FEZ1: variants seen among roughly 807,000 people sequenced by gnomAD.
The protein encoded by FEZ1 is fasciculation and elongation protein zeta 1.
Under a neutral mutation model 49.3 loss-of-function variants are expected in FEZ1, and 20 were observed. The ratio of observed to expected loss-of-function variants is 0.41; its 90% CI spans 0.29 to 0.59. The LOEUF is 0.59. FEZ1 is among the 20% of genes least tolerant of loss of function. FEZ1 has a pLI of 0.36. For missense variants in FEZ1, 413 were observed against 476.0 expected (o/e 0.87, Z 1.23); for synonymous variants, 170 against 180.9 (o/e 0.94, Z 0.48).
intron 3 of FEZ1, among the ~76,000 whole-genome samples, chr11:125,463,914 G>A (rs937423250): frequency 2.0e-5 from 3 of 152,220 alleles, no homozygotes; most frequent in Non-Finnish European, 4.4e-5. Flanking sequence ...CTCCAGGTAA[G>A]TGACACTGCA....
chr11:125,444,035 T>C lies in FEZ1; in HGVS notation c.*2060A>G, dbSNP rs911623142. ...CCCGTCGCCGGCAGAGTGCTAAACA[T>C]GCTAATGACCTCACACCACTAATGA... On this transcript the variant is annotated 3_prime_UTR_variant, in exon 10 of 10. Coordinates refer to ENST00000278919, the MANE Select transcript of FEZ1 (RefSeq NM_005103.5). Among the ~76,000 whole-genome samples, 1 of 152,166 alleles carries C rather than the reference T, an allele frequency of 6.6e-6. No homozygotes were observed. The highest frequency in any genetic ancestry group is 1.5e-5 in the Non-Finnish European group (1 of 68,034).
At chr11:125,446,251 G>T in intron 9 of FEZ1, 140 bp from the exon 10 acceptor site, 1 of 749,418 alleles carries the variant, frequency 1.3e-6, no homozygotes. Flanking sequence ...TAGAATAAGG[G>T]AGAGACAATG....
chr11:125,492,016 A>T (rs1283987088), intron 1 of FEZ1, among the ~76,000 whole-genome samples: 1 of 152,242 alleles, frequency 6.6e-6, no homozygotes, highest in Non-Finnish European at 1.5e-5. Context: ...ATAAATCAAT[A>T]ATTTAATTAA....
At chr11:125,447,511 G>T (rs551760239) in intron 9 of FEZ1, among the ~76,000 whole-genome samples, 3 of 152,150 alleles carry the variant, frequency 2.0e-5, no homozygotes, top group Non-Finnish European at 2.9e-5. Flanking sequence ...AGGGAATACT[G>T]ATTGGATAGT....
Position 125,453,831 on chromosome 11 carries a change from C to T in FEZ1, c.1020+299G>A, listed in dbSNP as rs935553157. 7.1e-5 allele frequency: 16 copies of T among 225,540 alleles called. No individual in the cohort carries two copies. In the East Asian group the frequency reaches 1.4e-3, roughly 20 times the overall value. The allele number at this position is 225,540 out of a possible 1,614,324, so 14.0% of individuals were successfully genotyped here. A position where few individuals can be genotyped will look rare whatever the true frequency, so the allele number is the denominator to read the frequency against. On this transcript the variant is annotated intron_variant, in intron 7 of 9. Coordinates refer to ENST00000278919, the MANE Select transcript of FEZ1 (RefSeq NM_005103.5). ...GATGGGATCTATCATCAAATGGACT[C>T]CCTCTTAATGCATTTCATCCTTAAA...
At chr11:125,478,076 C>A (rs1193800977) in intron 3 of FEZ1, among the ~76,000 whole-genome samples, 3 of 152,228 alleles carry the variant, frequency 2.0e-5, no homozygotes, top group Admixed American at 6.5e-5. Flanking sequence ...ATAGTTGGTA[C>A]AATATTTAAT....
At chr11:125,476,265 T>G (rs1465539000) in intron 3 of FEZ1, among the ~76,000 whole-genome samples, 1 of 152,226 alleles carries the variant, frequency 6.6e-6, no homozygotes, top group African/African-American at 2.4e-5. Context: ...GCTCATTATA[T>G]GCCAATTACC....
In FEZ1 at chr11:125,489,536, G is replaced by T; in HGVS notation, c.242C>A (p.Thr81Asn). 2 of 1,614,122 alleles carry T rather than the reference G, an allele frequency of 1.2e-6. No homozygotes were observed. Among genetic ancestry groups the T allele is most frequent in the Non-Finnish European group, 1.7e-6 (2 of 1,179,986 alleles). Residue 81 changes from threonine (T) to asparagine (N), a missense_variant, in exon 2 of 10, where the codon ACC (threonine) becomes AAC (asparagine). Physicochemically the swap from Thr to Asn is moderately conservative, Grantham distance 65. Coordinates refer to ENST00000278919, the MANE Select transcript of FEZ1 (RefSeq NM_005103.5). The surrounding 1 kb of genome is among the most constrained non-coding windows in gnomAD (Gnocchi z 4.2). ...GTTCTTCACGGGAGCTAGGTTCTCG[G>T]TCTTGGCGTTGTAGTTCCGAAAGCA... is the stretch of plus-strand genomic sequence containing the variant. Reference protein sequence around the residue: ...NVCFRNYNAKTENLAPVKNQL... With the variant: ...NVCFRNYNAKNENLAPVKNQL...
At chr11:125,450,136 T>C (rs1447828889) in intron 8 of FEZ1, among the ~76,000 whole-genome samples, 1 of 151,908 alleles carries the variant, frequency 6.6e-6, no homozygotes, top group Non-Finnish European at 1.5e-5. Flanking sequence ...CAAGCGATTC[T>C]CCTGCCTCAG....
intron 1 of FEZ1, among the ~76,000 whole-genome samples, chr11:125,493,601 A>T (rs576384763): frequency 5.9e-5 from 9 of 152,202 alleles, no homozygotes; most frequent in Non-Finnish European, 1.3e-4. Context: ...CCCTGCCATG[A>T]TATTCTCTGT....
chr11:125,493,000 C>A (rs1337150901), intron 1 of FEZ1, among the ~76,000 whole-genome samples: 4 of 148,188 alleles, frequency 2.7e-5, no homozygotes, highest in Non-Finnish European at 6.0e-5. Context: ...AAAAATAATT[C>A]TAGGAAAACC....
At chr11:125,447,477 T>G (rs188250230) in intron 9 of FEZ1, among the ~76,000 whole-genome samples, 1 of 152,244 alleles carries the variant, frequency 6.6e-6, no homozygotes, top group Non-Finnish European at 1.5e-5. Flanking sequence ...ACAAATAAAC[T>G]GAAAAATACT....
chr11:125,448,498 T>C lies in FEZ1; in HGVS notation c.1162+4A>G, dbSNP rs377146708. 1.1e-5 allele frequency: 18 copies of C among 1,604,534 alleles called. No individual in the cohort carries two copies. The African/African-American group carries it at 1.9e-4, about 17-fold the overall frequency. On this transcript the variant is annotated splice_donor_region_variant and intron_variant, in intron 9 of 9. Coordinates refer to ENST00000278919, the MANE Select transcript of FEZ1 (RefSeq NM_005103.5). ...TGCTCCAGGAGGCCTGGGGCTGCTC[T>C]TACCTTTTAAAATGTAGTCCGTTAG... is the stretch of plus-strand genomic sequence containing the variant.
intron 2 of FEZ1, among the ~76,000 whole-genome samples, chr11:125,486,225 C>G (rs1350019555): frequency 6.6e-6 from 1 of 152,068 alleles, no homozygotes; most frequent in Non-Finnish European, 1.5e-5. Flanking sequence ...AAGAAACAGC[C>G]ATTGCATGGT....
chr11:125,452,390 G>C lies in FEZ1; in HGVS notation c.1040C>G (p.Pro347Arg). The change falls in exon 8 of 10, where the codon CCT (proline) becomes CGT (arginine). Residue 347 changes from proline (P) to arginine (R), a missense_variant. By Grantham distance (103) the Pro-to-Arg change is moderately radical (BLOSUM62 -2). Transcript: ENST00000278919. ...GGGAGGAGAGGCTTTCTTCTCGTAA[G>C]GAATGACTGTGTTCAGATACTGCAA... is the stretch of plus-strand genomic sequence containing the variant. ...TDKQYLNTVIPYEKKASPPSV... is the reference protein window; with the variant it reads ...TDKQYLNTVIRYEKKASPPSV... 6.2e-7 allele frequency: 1 copy of C among 1,612,732 alleles called. No homozygotes were observed. The highest frequency in any genetic ancestry group is 8.5e-7 in the Non-Finnish European group (1 of 1,178,716).
chr11:125,445,993 G>T lies in FEZ1; in HGVS notation c.*102C>A. On this transcript the variant is annotated 3_prime_UTR_variant, in exon 10 of 10. Coordinates refer to ENST00000278919, the MANE Select transcript of FEZ1 (RefSeq NM_005103.5). The surrounding 1 kb of genome is among the most constrained non-coding windows in gnomAD (Gnocchi z 4.4). ...GTTTAATCCAGGTTAAGCTATACAC[G>T]TTTAAATACATGTCGGAGGTTACAT... 8.2e-7 allele frequency: 1 copy of T among 1,213,902 alleles called. No individual in the cohort carries two copies. Among genetic ancestry groups the T allele is most frequent in the Non-Finnish European group, 1.2e-6 (1 of 816,838 alleles). 75.2% of individuals were successfully genotyped at this position (1,213,902 alleles called of 1,614,324 possible). A position where few individuals can be genotyped will look rare whatever the true frequency, so the allele number is the denominator to read the frequency against.
In FEZ1 at chr11:125,468,272, G is replaced by T. The variant is rs575133467; in HGVS notation, c.412-4702C>A. 3.3e-5 allele frequency among the ~76,000 whole-genome samples: 5 copies of T among 151,960 alleles called. No individual in the cohort carries two copies. The South Asian group carries it at 1.0e-3, about 32-fold the overall frequency. On this transcript the variant is annotated intron_variant, in intron 3 of 9. Transcript: ENST00000278919. ...AGTCCACTGCAGCCTCCCTTTCCTG[G>T]GATCAGGCAATTCTTCCACCTCAGC...
At chr11:125,459,941 C>T (rs1957057483) in intron 5 of FEZ1, among the ~76,000 whole-genome samples, 1 of 152,096 alleles carries the variant, frequency 6.6e-6, no homozygotes, top group Non-Finnish European at 1.5e-5. Flanking sequence ...TACAAAAATA[C>T]ACAAATTAGC....
chr11:125,485,339 C>G (rs1957317272), intron 2 of FEZ1, among the ~76,000 whole-genome samples: 1 of 152,028 alleles, frequency 6.6e-6, no homozygotes, highest in Non-Finnish European at 1.5e-5. Context: ...TATGAGCAAA[C>G]CCAGTGGAGG....
Sources: gnomAD v4.1 joint callset for allele counts (sites outside exome capture counted in the v4.1 genomes callset) on GRCh38, gnomAD v4.1.1 for gene constraint, Gnocchi (gnomAD v3.1) non-coding constraint, MANE v1.5 for transcripts, NCBI Gene and HGNC (gene_info 2026-07-23, HGNC 2026-07-21) for gene names.